OXR1: variants seen among roughly 807,000 people sequenced by gnomAD.
The protein encoded by OXR1 is oxidation resistance 1, also known as oxidation resistance protein 1.
OXR1 carries 41 observed loss-of-function variants against 104.6 expected under a neutral mutation model. The observed-to-expected ratio is 0.39, with a 90% CI of 0.31 to 0.51. The LOEUF is 0.51. OXR1 is among the 20% of genes least tolerant of loss of function. The pLI, the probability that OXR1 is intolerant of heterozygous loss-of-function variation, is 0.77. For missense variants in OXR1, 955 were observed against 1,031.9 expected, an observed-to-expected ratio of 0.93 and a Z score of 1.02; for synonymous variants, 348 against 348.4, an observed-to-expected ratio of 1.00 and a Z score of 0.01.
At chr8:106,734,126 T>A (rs890653227) in intron 11 of OXR1, among the ~76,000 whole-genome samples, 1 of 151,966 alleles carries the variant, frequency 6.6e-6, no homozygotes. Context: ...CGGCTAATTT[T>A]TTGTATTTTT....
intron 6 of OXR1, among the ~76,000 whole-genome samples, chr8:106,689,820 TGTATACCTGAAAATAGACATTAATTACA>T (rs1185747735): frequency 2.1e-4 from 32 of 151,896 alleles, no homozygotes; most frequent in Admixed American, 2.1e-3. Flanking sequence ...GTGGTATGCC[TGTATACCTGAAAATAGACATTAATTACA>T]AGTAATAGCA....
At chr8:106,570,403 TA>T (rs1817390180) in intron 3 of OXR1, among the ~76,000 whole-genome samples, 1 of 152,202 alleles carries the variant, frequency 6.6e-6, no homozygotes, top group Non-Finnish European at 1.5e-5. Flanking sequence ...TTTCACTTTT[TA>T]TGAAGTAACC....
intron 15 of OXR1, among the ~76,000 whole-genome samples, chr8:106,743,712 C>T (rs1318125187): frequency 6.6e-6 from 1 of 152,184 alleles, no homozygotes; most frequent in African/African-American, 2.4e-5. Context: ...GACCTAGAGG[C>T]AGAAATACCA....
intron 3 of OXR1, among the ~76,000 whole-genome samples, chr8:106,596,101 C>T (rs1819507301): frequency 6.6e-6 from 1 of 151,910 alleles, no homozygotes; most frequent in Non-Finnish European, 1.5e-5. Context: ...TTATTGAGCA[C>T]CTACTAATAC....
At chr8:106,551,785 T>C (rs1815824305) in intron 3 of OXR1, among the ~76,000 whole-genome samples, 2 of 102,092 alleles carry the variant, frequency 2.0e-5, no homozygotes, top group South Asian at 7.3e-4. Flanking sequence ...CTGTCTCCAC[T>C]ATACATATAT....
Position 106,750,166 on chromosome 8 carries a change from A to T in OXR1, c.2487-640A>T, listed in dbSNP as rs191509309. ...TAAACACACACATACACAAAAAAAA[A>T]ACCATACTAAAAAAAATACCCAAAG... On this transcript the variant is annotated intron_variant, in intron 16 of 16. Transcript: ENST00000517566. Among the ~76,000 whole-genome samples the T allele has an allele frequency of 3.6e-3, 545 of 151,408 alleles. 1 individual carries two copies. The highest frequency in any genetic ancestry group is 5.7e-3 in the Admixed American group (87 of 15,188).
intron 12 of OXR1, among the ~76,000 whole-genome samples, chr8:106,738,724 GT>G (rs1014076632): frequency 5.4e-5 from 8 of 147,592 alleles, no homozygotes; most frequent in African/African-American, 1.2e-4. Flanking sequence ...CATTCTTATC[GT>G]TTTAAGAATA....
chr8:106,473,228 C>T (rs1196504594), intron 2 of OXR1, among the ~76,000 whole-genome samples: 1 of 151,750 alleles, frequency 6.6e-6, no homozygotes, highest in Non-Finnish European at 1.5e-5. Context: ...AATGGCACAG[C>T]ACAAATCGGC....
chr8:106,287,500 T>C (rs891914638), intron 1 of OXR1, among the ~76,000 whole-genome samples: 1 of 152,192 alleles, frequency 6.6e-6, no homozygotes, highest in African/African-American at 2.4e-5. Context: ...ACACCTTGGT[T>C]GGCTCACTTC....
intron 11 of OXR1, among the ~76,000 whole-genome samples, chr8:106,717,409 G>C (rs1832373254): frequency 6.6e-6 from 1 of 152,070 alleles, no homozygotes; most frequent in Non-Finnish European, 1.5e-5. Flanking sequence ...GGATGAACTT[G>C]TTATGGCTAC....
intron 3 of OXR1, among the ~76,000 whole-genome samples, chr8:106,524,024 C>T (rs918004486): frequency 2.6e-5 from 4 of 152,096 alleles, no homozygotes; most frequent in Non-Finnish European, 5.9e-5. Flanking sequence ...GATCCATCTG[C>T]CTCGACCTCC....
chr8:106,570,685 G>A (rs1817408873), intron 3 of OXR1, among the ~76,000 whole-genome samples: 1 of 152,002 alleles, frequency 6.6e-6, no homozygotes, highest in South Asian at 2.1e-4. Context: ...CCTTCATGCT[G>A]ACTCCATTTT....
At chr8:106,336,981 G>T (rs1814992967) in intron 1 of OXR1, among the ~76,000 whole-genome samples, 1 of 152,250 alleles carries the variant, frequency 6.6e-6, no homozygotes, top group African/African-American at 2.4e-5. Flanking sequence ...AAATAAAACT[G>T]TACTTATATT....
At chr8:106,448,011 G>T (rs1179694018) in intron 2 of OXR1, 2 of 1,483,318 alleles carry the variant, frequency 1.3e-6, no homozygotes, top group South Asian at 1.2e-5. Context: ...TTGCCTGCCT[G>T]CCTGCACAGA....
At chr8:106,531,058 G>C (rs1340173090) in intron 3 of OXR1, among the ~76,000 whole-genome samples, 5 of 152,112 alleles carry the variant, frequency 3.3e-5, no homozygotes, top group Non-Finnish European at 7.4e-5. Flanking sequence ...ACATGAAAAA[G>C]TTTAGTTAAT....
At chr8:106,379,565 G>GTC (rs1286834073) in intron 2 of OXR1, among the ~76,000 whole-genome samples, 1 of 117,946 alleles carries the variant, frequency 8.5e-6, no homozygotes, top group Non-Finnish European at 1.6e-5. Context: ...TTGAGACAGA[G>GTC]TCTCTCTCTG....
intron 1 of OXR1, among the ~76,000 whole-genome samples, chr8:106,276,401 C>T (rs770979217): frequency 1.3e-5 from 2 of 152,142 alleles, no homozygotes; most frequent in Non-Finnish European, 2.9e-5. Context: ...ATACTAACCA[C>T]CCATTTACAA....
chr8:106,618,277 C>A, intron 3 of OXR1: 2 of 1,015,714 alleles, frequency 2.0e-6, no homozygotes, highest in South Asian at 1.4e-5. Context: ...GTTGCATTTT[C>A]AAAGTCCAGA....
chr8:106,550,033 A>G (rs1225809368), intron 3 of OXR1, among the ~76,000 whole-genome samples: 1 of 152,220 alleles, frequency 6.6e-6, no homozygotes, highest in Non-Finnish European at 1.5e-5. Context: ...TAATCCTTAT[A>G]GCAATCCTGT....
Sources: gnomAD v4.1 joint callset for allele counts (sites outside exome capture counted in the v4.1 genomes callset) on GRCh38, gnomAD v4.1.1 for gene constraint, MANE v1.5 for transcripts, NCBI Gene and HGNC (gene_info 2026-07-23, HGNC 2026-07-21) for gene names.